RBMS3: variants seen among roughly 807,000 people sequenced by gnomAD.
RBMS3 encodes RNA binding motif single stranded interacting protein 3, also known as RNA-binding motif, single-stranded-interacting protein 3.
In RBMS3, 27 loss-of-function variants were observed where a neutral mutation model predicts 66.8. The observed-to-expected ratio is 0.40, with a 90% CI of 0.30 to 0.56. RBMS3 has a LOEUF of 0.56. Ranked by LOEUF, RBMS3 falls within the 20% of genes least tolerant of loss-of-function variation. RBMS3 has a pLI of 0.40. For missense variants in RBMS3, 513 were observed against 549.5 expected (o/e 0.93, Z 0.66); for synonymous variants, 188 against 183.0 (o/e 1.03, Z -0.22).
At chr3:29,995,066 G>A (rs976410439) in intron 14 of RBMS3, among the ~76,000 whole-genome samples, 5 of 152,168 alleles carry the variant, frequency 3.3e-5, no homozygotes, top group Non-Finnish European at 2.9e-5. Flanking sequence ...ACCAATACAG[G>A]GAAGTGCTTA....
intron 4 of RBMS3, among the ~76,000 whole-genome samples, chr3:29,589,148 G>A (rs2047638173): frequency 6.6e-6 from 1 of 151,990 alleles, no homozygotes; most frequent in Non-Finnish European, 1.5e-5. Context: ...ATAACTACTG[G>A]GGAACCATTA....
chr3:29,644,276 T>G (rs1260002330), intron 4 of RBMS3, among the ~76,000 whole-genome samples: 1 of 152,192 alleles, frequency 6.6e-6, no homozygotes, highest in Non-Finnish European at 1.5e-5. Context: ...TGTGTTAAAT[T>G]GTCGTGTTAC....
chr3:29,524,188 C>T (rs2044981738), intron 3 of RBMS3, among the ~76,000 whole-genome samples: 1 of 152,000 alleles, frequency 6.6e-6, no homozygotes, highest in African/African-American at 2.4e-5. Context: ...TCATATACCT[C>T]AACCAGTAAG....
At chr3:29,962,571 A>G (rs61657961) in intron 12 of RBMS3, among the ~76,000 whole-genome samples, 2,804 of 130,814 alleles carry the variant, frequency 0.021, 154 homozygotes, top group African/African-American at 0.089. Context: ...TATATATAAT[A>G]CCATACCAAC....
chr3:29,915,844 C>T (rs116659725), intron 10 of RBMS3, among the ~76,000 whole-genome samples: 10 of 152,054 alleles, frequency 6.6e-5, no homozygotes, highest in East Asian at 3.9e-4. Context: ...AAGCAAGAAA[C>T]GTAATTCTGC....
chr3:29,952,424 C>CA (rs2149717526), intron 12 of RBMS3, among the ~76,000 whole-genome samples: 1 of 151,960 alleles, frequency 6.6e-6, no homozygotes, highest in Non-Finnish European at 1.5e-5. Context: ...GCAGTTGGAA[C>CA]AACCTAAAAT....
rs537130643 is a variant in RBMS3, at chr3:29,468,268, CAGA to C, written c.249-20169_249-20167del. 7.9e-5 allele frequency among the ~76,000 whole-genome samples: 12 copies of C among 152,196 alleles called. No individual in the cohort carries two copies. The South Asian group carries it at 2.3e-3, about 29-fold the overall frequency. ...CATTCATCAAAAAGAAACAGTGGAC[CAGA>C]AGATCTCTATGTCCTCTGGCTTCTG... is the stretch of plus-strand genomic sequence containing the variant. On this transcript the variant is annotated intron_variant, in intron 2 of 14. Transcript: ENST00000383767.
chr3:29,397,121 G>A (rs7642314), intron 1 of RBMS3, among the ~76,000 whole-genome samples: 110,946 of 152,068 alleles, frequency 0.73, 40,739 homozygotes, highest in East Asian at 0.96. Context: ...AAATCATTTC[G>A]TAAAGGGAGA....
intron 4 of RBMS3, among the ~76,000 whole-genome samples, chr3:29,648,186 A>C (rs1400497351): frequency 6.7e-6 from 1 of 149,870 alleles, no homozygotes; most frequent in African/African-American, 2.5e-5. Flanking sequence ...GACTCTTTTT[A>C]TTAGATTTTT....
intron 1 of RBMS3, among the ~76,000 whole-genome samples, chr3:29,332,496 A>C (rs572029394): frequency 6.6e-6 from 1 of 152,296 alleles, no homozygotes; most frequent in Non-Finnish European, 1.5e-5. Context: ...TGCTGACCTG[A>C]ATATAATGTG....
intron 4 of RBMS3, among the ~76,000 whole-genome samples, chr3:29,684,424 A>G (rs569685939): frequency 2.6e-5 from 4 of 152,316 alleles, no homozygotes; most frequent in East Asian, 3.9e-4. Context: ...GTACCTATCT[A>G]TATGATAAGA....
intron 4 of RBMS3, among the ~76,000 whole-genome samples, chr3:29,592,088 G>GA (rs563875362): frequency 3.4e-5 from 5 of 146,946 alleles, no homozygotes; most frequent in East Asian, 2.0e-4. Flanking sequence ...AGTTGTCTTC[G>GA]AAAAAAAAAT....
intron 12 of RBMS3, among the ~76,000 whole-genome samples, chr3:29,985,721 T>C (rs542014110): frequency 1.3e-5 from 2 of 152,248 alleles, no homozygotes; most frequent in East Asian, 1.9e-4. Context: ...GGTACCTCAG[T>C]TGGAAATGCA....
chr3:29,725,620 A>G (rs2053831305), intron 4 of RBMS3, among the ~76,000 whole-genome samples: 1 of 152,214 alleles, frequency 6.6e-6, no homozygotes, highest in African/African-American at 2.4e-5. Context: ...AGAAATGGAT[A>G]AATTCCTGGC....
At chr3:29,534,666 A>C (rs545780737) in intron 3 of RBMS3, among the ~76,000 whole-genome samples, 59 of 152,340 alleles carry the variant, frequency 3.9e-4, no homozygotes, top group African/African-American at 1.4e-3. Flanking sequence ...GATCATGAAG[A>C]TATTTAGCAG....
intron 6 of RBMS3, among the ~76,000 whole-genome samples, chr3:29,783,874 C>T (rs779040223): frequency 2.0e-5 from 3 of 151,938 alleles, no homozygotes; most frequent in Non-Finnish European, 4.4e-5. Flanking sequence ...CAAATGGACA[C>T]CAAAAGTGAG....
chr3:29,622,932 C>T (rs192498082), intron 4 of RBMS3, among the ~76,000 whole-genome samples: 6 of 152,070 alleles, frequency 3.9e-5, no homozygotes, highest in Non-Finnish European at 7.4e-5. Flanking sequence ...GTGGCTAACA[C>T]GGTGAAACCC....
intron 4 of RBMS3, among the ~76,000 whole-genome samples, chr3:29,662,598 T>A (rs937402902): frequency 2.0e-5 from 3 of 152,292 alleles, no homozygotes; most frequent in African/African-American, 7.2e-5. Context: ...AAAACTGGGA[T>A]TGAAAGTAAA....
chr3:29,813,649 T>A lies in RBMS3; in HGVS notation c.637+50660T>A, dbSNP rs574350915. ...CTTCCATTTGTTTCTATCCTCTTTT[T>A]TTTCGTTGAGCCGTGGTTTGTAGTT... On this transcript the variant is annotated intron_variant, in intron 6 of 14. Coordinates refer to ENST00000383767, the MANE Select transcript of RBMS3 (RefSeq NM_001003793.3). Among the ~76,000 whole-genome samples, 16 of 152,246 alleles carry A rather than the reference T, an allele frequency of 1.1e-4. No individual in the cohort carries two copies. In the East Asian group the frequency reaches 2.9e-3, roughly 28 times the overall value.
Sources: gnomAD v4.1 joint callset for allele counts (sites outside exome capture counted in the v4.1 genomes callset) on GRCh38, gnomAD v4.1.1 for gene constraint, MANE v1.5 for transcripts, NCBI Gene and HGNC (gene_info 2026-07-23, HGNC 2026-07-21) for gene names.